EXOC6: variants seen among roughly 807,000 people sequenced by gnomAD.
EXOC6 encodes SEC15-like 1.
EXOC6 carries 60 observed loss-of-function variants against 112.5 expected under a neutral mutation model. The observed-to-expected ratio is 0.53, with a 90% CI of 0.43 to 0.66. EXOC6 has a LOEUF of 0.66. EXOC6 is among the 30% of genes least tolerant of loss of function. EXOC6 has a pLI of 0.00. For missense variants in EXOC6, 855 were observed against 957.1 expected (o/e 0.89, Z 1.41); for synonymous variants, 295 against 308.0 (o/e 0.96, Z 0.44).
intron 20 of EXOC6, among the ~76,000 whole-genome samples, chr10:93,038,847 A>G (rs1845636951): frequency 6.6e-6 from 1 of 152,224 alleles, no homozygotes; most frequent in South Asian, 2.1e-4. Context: ...GTGAAAACAA[A>G]CATACAAAGG....
intron 6 of EXOC6, among the ~76,000 whole-genome samples, chr10:92,912,673 T>G (rs554688098): frequency 3.9e-5 from 6 of 152,192 alleles, no homozygotes; most frequent in Non-Finnish European, 8.8e-5. Flanking sequence ...TAACCTATGA[T>G]TAGCCAGATA....
intron 1 of EXOC6, among the ~76,000 whole-genome samples, chr10:92,859,820 CATGTGTGTGT>C (rs1394923453): frequency 9.7e-5 from 10 of 103,474 alleles, no homozygotes; most frequent in East Asian, 3.6e-4. Flanking sequence ...CGTTTGTGTG[CATGTGTGTGT>C]GTGTGTGTGT....
intron 20 of EXOC6, among the ~76,000 whole-genome samples, chr10:93,023,243 G>A (rs190509599): frequency 1.7e-4 from 26 of 152,254 alleles, no homozygotes; most frequent in African/African-American, 6.3e-4. Flanking sequence ...GATATTTGCT[G>A]TTCTGAATAG....
chr10:92,848,520 A>G lies in EXOC6; in HGVS notation c.-14A>G, dbSNP rs1018755616. 6.0e-6 allele frequency: 8 copies of G among 1,334,548 alleles called. No individual in the cohort carries two copies. The African/African-American group carries it at 1.1e-4, about 18-fold the overall frequency. The allele number at this position is 1,334,548 out of a possible 1,614,324, so 82.7% of individuals were successfully genotyped here. A position where few individuals can be genotyped will look rare whatever the true frequency, so the allele number is the denominator to read the frequency against. ...CGGCGCCGCGCCTCGCTGGCTCCTC[A>G]GCTTCCAGCCAAAATGGCGGAGAAC... On this transcript the variant is annotated 5_prime_UTR_variant, in exon 1 of 22. Coordinates refer to ENST00000260762, the MANE Select transcript of EXOC6 (RefSeq NM_019053.6).
In EXOC6 at chr10:92,935,735, T is replaced by C. The variant is rs573127251; in HGVS notation, c.1141-79T>C. The C allele has an allele frequency of 1.8e-4, 181 of 1,006,184 alleles. No homozygotes were observed. The African/African-American group carries it at 2.6e-3, about 14-fold the overall frequency. 62.3% of individuals were successfully genotyped at this position (1,006,184 alleles called of 1,614,324 possible). On this transcript the variant is annotated intron_variant, in intron 11 of 21. Coordinates refer to ENST00000260762, the MANE Select transcript of EXOC6 (RefSeq NM_019053.6). Reference sequence around the variant, plus strand: ...GATTAAAAGAAACATTATCAATTTCTTATTTCTTAGTTTTTAATCATATGA... The same window carrying C: ...GATTAAAAGAAACATTATCAATTTCCTATTTCTTAGTTTTTAATCATATGA...
chr10:93,025,324 T>C (rs546492491), intron 20 of EXOC6, among the ~76,000 whole-genome samples: 122 of 152,290 alleles, frequency 8.0e-4, no homozygotes, highest in African/African-American at 2.8e-3. Flanking sequence ...GCCTGTGTAT[T>C]GCATGATGAC....
At chr10:92,874,416 A>G (rs566255605) in intron 1 of EXOC6, among the ~76,000 whole-genome samples, 1 of 137,574 alleles carries the variant, frequency 7.3e-6, no homozygotes, top group South Asian at 2.8e-4. Flanking sequence ...CATTCTTTAT[A>G]TTGTGACACA....
intron 19 of EXOC6, among the ~76,000 whole-genome samples, chr10:93,013,116 A>G (rs1338788994): frequency 1.3e-5 from 2 of 152,174 alleles, no homozygotes; most frequent in African/African-American, 2.4e-5. Context: ...TGCATGTAAA[A>G]TGACAGGGTC....
At chr10:92,989,805 G>T (rs1843158475) in intron 18 of EXOC6, among the ~76,000 whole-genome samples, 1 of 152,158 alleles carries the variant, frequency 6.6e-6, no homozygotes, top group Non-Finnish European at 1.5e-5. Context: ...AAGGAGGCAG[G>T]GACAGATAAT....
chr10:92,948,866 A>G (rs1853218314), intron 14 of EXOC6, among the ~76,000 whole-genome samples: 1 of 152,224 alleles, frequency 6.6e-6, no homozygotes, highest in Non-Finnish European at 1.5e-5. Context: ...AATAAGTGAT[A>G]TGTGAAGGCA....
At chr10:93,011,854 G>T (rs1844264370) in intron 19 of EXOC6, among the ~76,000 whole-genome samples, 2 of 152,076 alleles carry the variant, frequency 1.3e-5, no homozygotes, top group Non-Finnish European at 2.9e-5. Flanking sequence ...ATTGTCTAGG[G>T]TAATGGTGAT....
chr10:92,940,717 T>TTTTTTTTTA lies in EXOC6; in HGVS notation c.1213-10_1213-9insTTTTTTTTA. 1 of 1,527,148 alleles carries TTTTTTTTTA rather than the reference T, an allele frequency of 6.5e-7. No individual in the cohort carries two copies. The highest frequency in any genetic ancestry group is 8.9e-7 in the Non-Finnish European group (1 of 1,129,622). The allele number at this position is 1,527,148 out of a possible 1,614,324, so 94.6% of individuals were successfully genotyped here. A position where few individuals can be genotyped will look rare whatever the true frequency, so the allele number is the denominator to read the frequency against. ...TTGTTTATCTGCTTTTTTTTTTTTT[T>TTTTTTTTTA]GTATTTTAGGGTTATGGTTTTCCAG... On this transcript the variant is annotated splice_polypyrimidine_tract_variant and intron_variant, in intron 12 of 21. Coordinates refer to ENST00000260762, the MANE Select transcript of EXOC6 (RefSeq NM_019053.6).
intron 1 of EXOC6, among the ~76,000 whole-genome samples, chr10:92,870,969 A>G (rs1848418281): frequency 6.6e-6 from 1 of 152,134 alleles, no homozygotes; most frequent in South Asian, 2.1e-4. Context: ...TGGCCTCCCA[A>G]AGTGCTAGGA....
intron 17 of EXOC6, among the ~76,000 whole-genome samples, chr10:92,969,751 T>TG (rs1842207012): frequency 6.6e-6 from 1 of 152,206 alleles, no homozygotes; most frequent in Admixed American, 6.5e-5. Flanking sequence ...TGGAGTGCAG[T>TG]GGCGCGATCT....
At chr10:92,848,722 C>A (rs1027895667) in intron 1 of EXOC6, 88 bp downstream of exon 1, 52 of 1,079,120 alleles carry the variant, frequency 4.8e-5, no homozygotes, top group Non-Finnish European at 5.6e-5. Flanking sequence ...CCGCCGGCCG[C>A]GCGCGAAGCT....
intron 1 of EXOC6, among the ~76,000 whole-genome samples, chr10:92,839,806 G>A (rs914890360): frequency 6.6e-6 from 1 of 151,884 alleles, no homozygotes; most frequent in Non-Finnish European, 1.5e-5. Context: ...CACATTGTAG[G>A]GTACTGCAAA....
intron 18 of EXOC6, among the ~76,000 whole-genome samples, chr10:92,995,461 A>G (rs1277837538): frequency 6.6e-6 from 1 of 152,224 alleles, no homozygotes; most frequent in Middle Eastern, 3.2e-3. Flanking sequence ...TAGTTAGTAC[A>G]TGATAGTGGC....
chr10:93,054,236 A>G (rs559249250), intron 20 of EXOC6, among the ~76,000 whole-genome samples: 28 of 152,304 alleles, frequency 1.8e-4, no homozygotes, highest in African/African-American at 6.0e-4. Flanking sequence ...TCTTGTTCCA[A>G]TGCTGTATCT....
At chr10:92,905,072 G>A (rs1850370220) in intron 5 of EXOC6, among the ~76,000 whole-genome samples, 1 of 151,930 alleles carries the variant, frequency 6.6e-6, no homozygotes, top group Admixed American at 6.6e-5. Context: ...TTTTTCCATT[G>A]AATTTCCTCA....
Sources: allele counts gnomAD v4.1 joint callset (sites outside exome capture counted in the v4.1 genomes callset), GRCh38; gene constraint gnomAD v4.1.1; transcripts MANE v1.5; gene names NCBI Gene and HGNC (gene_info 2026-07-23, HGNC 2026-07-21).